The following PTPRK variants were observed in gnomAD, a reference collection of about 807,000 sequenced individuals.
PTPRK encodes the protein protein tyrosine phosphatase receptor type K, also known as receptor-type tyrosine-protein phosphatase kappa.
A neutral mutation model predicts 178.0 loss-of-function variants in PTPRK; 75 were observed. The observed-to-expected ratio is 0.42, with a 90% CI of 0.35 to 0.51. The LOEUF (loss-of-function observed/expected upper bound fraction) is 0.51. Ranked by LOEUF, PTPRK falls within the 20% of genes least tolerant of loss-of-function variation. The probability of loss-of-function intolerance (pLI) is 0.02; values close to 1 mark genes in which losing one functional copy is unlikely to be tolerated. For synonymous variants in PTPRK, 637 were observed against 620.6 expected, an observed-to-expected ratio of 1.03 and a Z score of -0.39; for missense variants, 1,441 against 1,797.8, an observed-to-expected ratio of 0.80 and a Z score of 3.59.
chr6:128,316,277 C>G (rs1019271374), intron 3 of PTPRK, among the ~76,000 whole-genome samples: 1 of 152,186 alleles, frequency 6.6e-6, no homozygotes, highest in Non-Finnish European at 1.5e-5. Flanking sequence ...CTCCTTTTAG[C>G]ATCTGTCTTC....
intron 6 of PTPRK, among the ~76,000 whole-genome samples, chr6:128,211,215 G>A (rs1323742300): frequency 6.6e-6 from 1 of 152,178 alleles, no homozygotes; most frequent in East Asian, 1.9e-4. Flanking sequence ...CATATTTTCT[G>A]CCATATTATT....
chr6:128,113,906 C>G (rs1007333254), intron 7 of PTPRK, among the ~76,000 whole-genome samples: 2 of 152,034 alleles, frequency 1.3e-5, no homozygotes, highest in African/African-American at 2.4e-5. Flanking sequence ...CAGAATGTAT[C>G]TTTATGGTAT....
At chr6:128,431,329 G>T (rs547573147) in intron 1 of PTPRK, among the ~76,000 whole-genome samples, 20 of 152,114 alleles carry the variant, frequency 1.3e-4, no homozygotes, top group Middle Eastern at 3.4e-3. Flanking sequence ...TAAATATGCA[G>T]CCTTAAAACA....
In PTPRK at chr6:128,321,840, G is replaced by A. The variant is rs533080145; in HGVS notation, c.495+199C>T. 9 of 742,112 alleles carry A rather than the reference G, an allele frequency of 1.2e-5. No individual in the cohort carries two copies. The East Asian group carries it at 1.9e-4, about 15-fold the overall frequency. The allele number at this position is 742,112 out of a possible 1,614,324, so 46.0% of individuals were successfully genotyped here. ...CCAAACACTTCCTCATCAACAGGGTGGGGAAGAAAGAGGGGCAATCTCTCA... is the reference window on the plus strand; with the variant it reads ...CCAAACACTTCCTCATCAACAGGGTAGGGAAGAAAGAGGGGCAATCTCTCA... On this transcript the variant is annotated intron_variant, in intron 3 of 29. Coordinates refer to ENST00000368226, the MANE Select transcript of PTPRK (RefSeq NM_002844.4).
intron 3 of PTPRK, among the ~76,000 whole-genome samples, chr6:128,272,207 TC>T (rs1481810289): frequency 6.6e-6 from 1 of 152,024 alleles, no homozygotes; most frequent in East Asian, 1.9e-4. Flanking sequence ...AAAAATTAAT[TC>T]AAGATGGATT....
intron 7 of PTPRK, among the ~76,000 whole-genome samples, chr6:128,123,693 C>T (rs2114412190): frequency 6.6e-6 from 1 of 152,236 alleles, no homozygotes; most frequent in African/African-American, 2.4e-5. Flanking sequence ...AGGTTCCCAA[C>T]CAAGAAAATT....
At position 128,192,300 on chromosome 6, in the gene PTPRK, C is replaced by G. The variant is rs370273849; in HGVS notation, c.869-7575G>C. 2.6e-5 allele frequency among the ~76,000 whole-genome samples: 4 copies of G among 152,142 alleles called. No homozygotes were observed. In the South Asian group the frequency reaches 8.3e-4, roughly 32 times the overall value. ...ACCACCAAAAGCAAAAGAAAACATA[C>G]CAAAAAGTTAATAGCAGTGACCAGG... On this transcript the variant is annotated intron_variant, in intron 6 of 29. Transcript: ENST00000368226.
At chr6:128,141,652 C>T (rs1795786014) in intron 7 of PTPRK, among the ~76,000 whole-genome samples, 1 of 151,798 alleles carries the variant, frequency 6.6e-6, no homozygotes, top group South Asian at 2.1e-4. Flanking sequence ...TTTTAAACAG[C>T]TTCATTATGT....
intron 10 of PTPRK, 30 bp from the exon 11 acceptor site, chr6:128,078,948 T>C: frequency 7.0e-7 from 1 of 1,431,528 alleles, no homozygotes; most frequent in Admixed American, 1.7e-5. Context: ...ATAAAAAAGG[T>C]TCAATTAATT....
intron 13 of PTPRK, among the ~76,000 whole-genome samples, chr6:128,033,035 G>A (rs985379946): frequency 1.1e-4 from 16 of 152,230 alleles, no homozygotes; most frequent in African/African-American, 3.9e-4. Context: ...CTGAATAGCT[G>A]ATAGGAAGGT....
chr6:128,470,793 C>T (rs1272368465), intron 1 of PTPRK, among the ~76,000 whole-genome samples: 3 of 134,188 alleles, frequency 2.2e-5, no homozygotes. Flanking sequence ...GCCTTTCCTG[C>T]AAACTATTAC....
At chr6:128,273,466 A>ATCTATCCT (rs1363658189) in intron 3 of PTPRK, among the ~76,000 whole-genome samples, 1 of 152,170 alleles carries the variant, frequency 6.6e-6, no homozygotes, top group Non-Finnish European at 1.5e-5. Context: ...TATGAAAAGC[A>ATCTATCCT]TCTATCCTCC....
intron 1 of PTPRK, among the ~76,000 whole-genome samples, chr6:128,499,235 C>A (rs1465968605): frequency 6.6e-6 from 1 of 152,098 alleles, no homozygotes; most frequent in South Asian, 2.1e-4. Flanking sequence ...AAGTACTCAA[C>A]AGGACTGATC....
intron 6 of PTPRK, among the ~76,000 whole-genome samples, chr6:128,188,430 A>C (rs1327658832): frequency 6.6e-6 from 1 of 152,178 alleles, no homozygotes; most frequent in Non-Finnish European, 1.5e-5. Context: ...GTCAGCAACA[A>C]AGTAAATGTC....
chr6:128,416,162 A>G (rs1268842021), intron 1 of PTPRK, among the ~76,000 whole-genome samples: 1 of 152,160 alleles, frequency 6.6e-6, no homozygotes, highest in African/African-American at 2.4e-5. Context: ...GTTAATAAGT[A>G]CTTATACTTG....
At chr6:128,396,422 T>C (rs1840309207) in intron 2 of PTPRK, among the ~76,000 whole-genome samples, 1 of 150,912 alleles carries the variant, frequency 6.6e-6, no homozygotes, top group Non-Finnish European at 1.5e-5. Context: ...AAAGAGTTTG[T>C]TCTCTTTCAT....
chr6:128,064,155 T>C (rs1465590752), intron 13 of PTPRK, among the ~76,000 whole-genome samples: 3 of 152,122 alleles, frequency 2.0e-5, no homozygotes, highest in Admixed American at 6.6e-5. Flanking sequence ...CTCTAAATAT[T>C]CATTCAAAGA....
chr6:128,159,442 C>T (rs1297319627), intron 7 of PTPRK, among the ~76,000 whole-genome samples: 1 of 151,830 alleles, frequency 6.6e-6, no homozygotes, highest in Non-Finnish European at 1.5e-5. Flanking sequence ...AGGTTTCATT[C>T]CTAACTGCTG....
intron 13 of PTPRK, among the ~76,000 whole-genome samples, chr6:128,026,208 C>T (rs1271266847): frequency 3.9e-5 from 6 of 152,176 alleles, no homozygotes; most frequent in African/African-American, 1.4e-4. Flanking sequence ...ATCTTCTCTT[C>T]ATGTTCCGTT....
Sources: gnomAD v4.1 joint callset for allele counts (sites outside exome capture counted in the v4.1 genomes callset) on GRCh38, gnomAD v4.1.1 for gene constraint, MANE v1.5 for transcripts, NCBI Gene and HGNC (gene_info 2026-07-23, HGNC 2026-07-21) for gene names.